The following CNPY4 variants were observed in gnomAD, a reference collection of about 807,000 sequenced individuals.
CNPY4 encodes canopy FGF signaling regulator 4.
In CNPY4, 33 loss-of-function variants were observed where a neutral mutation model predicts 30.1. The ratio of observed to expected loss-of-function variants is 1.10; its 90% confidence interval spans 0.83 to 1.46. The LOEUF is 1.46. CNPY4 is among the 40% of genes most tolerant of loss of function. The pLI is 0.00. For missense variants in CNPY4, 324 were observed against 302.6 expected, an observed-to-expected ratio of 1.07 and a Z score of -0.52; for synonymous variants, 109 against 110.1, an observed-to-expected ratio of 0.99 and a Z score of 0.06.
intron 1 of CNPY4, among the ~76,000 whole-genome samples, chr7:100,121,782 G>T (rs1011497186): frequency 1.3e-5 from 2 of 151,600 alleles, no homozygotes; most frequent in Non-Finnish European, 2.9e-5. Context: ...CGGGCGTGGT[G>T]GCTCACGCCT....
chr7:100,122,318 G>C lies in CNPY4; in HGVS notation c.178G>C (p.Glu60Gln). Residue 60 changes from glutamate to glutamine, a missense_variant, in exon 2 of 6, where the codon GAG (glutamate) becomes CAG (glutamine). Transcript: ENST00000262932. The part of the protein sequence containing the change: ...AELSRTGRSR[E>Q]VLELGQVLDT... ...ACTGAGTCGCACCGGTCGATCTCGA[G>C]AGGTGCTGGAGCTGGGGCAGGTGCT... The C allele has an allele frequency of 6.2e-7, 1 of 1,614,144 alleles. No individual in the cohort carries two copies. Among genetic ancestry groups the C allele is most frequent in the Non-Finnish European group, 8.5e-7 (1 of 1,180,024 alleles).
intron 3 of CNPY4, 56 bp downstream of exon 3, chr7:100,122,633 CCT>C (rs1277928516): frequency 6.5e-7 from 1 of 1,527,538 alleles, no homozygotes; most frequent in African/African-American, 1.4e-5. Context: ...ATCTGTATCC[CCT>C]GAGGCCCTCC....
intron 5 of CNPY4, 28 bp from the exon 6 acceptor site, chr7:100,124,697 C>T: frequency 3.1e-6 from 5 of 1,613,526 alleles, no homozygotes; most frequent in Non-Finnish European, 2.5e-6. Flanking sequence ...GGACTAATAT[C>T]TAAATTGTTT....
In CNPY4 at chr7:100,124,588, A is replaced by G. The variant is rs768607465; in HGVS notation, c.540A>G (p.Gln180=). ...WYFHHQEQPL[Q]NFLCEGHVLP... is the part of the protein sequence containing the mutation. ...TCCACCATCAGGAGCAGCCCCTACA[A>G]AATTTTCTCTGTGAAGGTCATGTGC... Residue 180 remains glutamine (Q), a synonymous_variant, in exon 5 of 6, where the codon CAA becomes CAG. Transcript: ENST00000262932. The G allele has an allele frequency of 2.5e-6, 4 of 1,613,184 alleles. No individual in the cohort carries two copies. The African/African-American group carries it at 5.4e-5, about 22-fold the overall frequency.
Position 100,124,903 on chromosome 7 carries a change from C to A in CNPY4, c.*15C>A, listed in dbSNP as rs1433755967. 5 of 1,570,426 alleles carry A rather than the reference C, an allele frequency of 3.2e-6. No individual in the cohort carries two copies. The highest frequency in any genetic ancestry group is 4.3e-6 in the Non-Finnish European group (5 of 1,159,564). ...AAGATCTTTGACCCTTGCCTTTGAG[C>A]CCCCAGGAGGGGAAGGGATCATGGA... On this transcript the variant is annotated 3_prime_UTR_variant, in exon 6 of 6. Coordinates refer to ENST00000262932, the MANE Select transcript of CNPY4 (RefSeq NM_152755.2).
chr7:100,124,756 G>A lies in CNPY4; in HGVS notation c.615G>A (p.Glu205=). The A allele has an allele frequency of 1.9e-6, 3 of 1,613,978 alleles. No individual in the cohort carries two copies. The highest frequency in any genetic ancestry group is 2.5e-6 in the Non-Finnish European group (3 of 1,179,980). The change falls in exon 6 of 6, where the codon GAG becomes GAA. Residue 205 remains glutamate, a synonymous_variant. Transcript: ENST00000262932. ...ACLQETWTGK[E]ITDGEEKTEG... is the part of the protein sequence containing the mutation. ...TACAGGAAACTTGGACTGGAAAGGA[G>A]ATCACAGATGGGGAAGAGAAAACAG...
chr7:100,122,843 T>G lies in CNPY4; in HGVS notation c.402T>G (p.Asp134Glu). The part of the protein sequence containing the change: ...KGLVQKGVKV[D>E]LGIPLELWDE... ...TAGTGCAGAAGGGGGTGAAGGTGGA[T>G]CTGGGGATCCCTCTGGAGCTTTGGG... The change falls in exon 4 of 6, where the codon GAT (aspartate) becomes GAG (glutamate). Residue 134 changes from aspartate to glutamate, a missense_variant. Asp to Glu is a conservative substitution (Grantham distance 45). Coordinates refer to ENST00000262932, the MANE Select transcript of CNPY4 (RefSeq NM_152755.2). 6.2e-7 allele frequency: 1 copy of G among 1,613,802 alleles called. No homozygotes were observed. The highest frequency in any genetic ancestry group is 8.5e-7 in the Non-Finnish European group (1 of 1,179,940).
At chr7:100,122,630 T>A in intron 3 of CNPY4, 53 bp downstream of exon 3, 1 of 1,533,476 alleles carries the variant, frequency 6.5e-7, no homozygotes. Context: ...AAGATCTGTA[T>A]CCCCTGAGGC....
At chr7:100,119,909 C>T (rs1213525549) in intron 1 of CNPY4, 47 bp downstream of exon 1, 1 of 1,523,264 alleles carries the variant, frequency 6.6e-7, no homozygotes, top group Non-Finnish European at 8.9e-7. Flanking sequence ...GCCACACCTC[C>T]TTCTTCTAGG....
intron 1 of CNPY4, chr7:100,121,982 G>A (rs185522451): frequency 1.5e-5 from 5 of 324,996 alleles, no homozygotes; most frequent in South Asian, 2.8e-5. Context: ...CCCAGGAGGC[G>A]GAGCTGGCAG....
At position 100,124,951 on chromosome 7, in the gene CNPY4, T is replaced by C. The variant is rs945202589; in HGVS notation, c.*63T>C. The C allele has an allele frequency of 2.0e-5, 30 of 1,511,992 alleles. No homozygotes were observed. In the African/African-American group the frequency reaches 3.5e-4, roughly 18 times the overall value. 93.7% of individuals were successfully genotyped at this position (1,511,992 alleles called of 1,614,324 possible). ...GGAGAGCCCTCTAAAGCCTGCACTCTCCCTGCTCCACAGCTTTCAGGGTGT... is the reference window on the plus strand; with the variant it reads ...GGAGAGCCCTCTAAAGCCTGCACTCCCCCTGCTCCACAGCTTTCAGGGTGT... On this transcript the variant is annotated 3_prime_UTR_variant, in exon 6 of 6. Transcript: ENST00000262932.
At chr7:100,121,116 A>ATTTTTT (rs1163501525) in intron 1 of CNPY4, 5 of 52,776 alleles carry the variant, frequency 9.5e-5, no homozygotes, top group African/African-American at 1.9e-4. Context: ...ATATATATAT[A>ATTTTTT]TTTTTTTTTT....
chr7:100,123,214 C>T (rs540730646), intron 4 of CNPY4, among the ~76,000 whole-genome samples: 8 of 151,982 alleles, frequency 5.3e-5, no homozygotes, highest in African/African-American at 1.9e-4. Context: ...TGGTGGTGCA[C>T]GCCTGTGATC....
rs766862842 is a variant in CNPY4, at chr7:100,122,349, CAGGCA to C, written c.212_216del (p.Gly71GlufsTer23). On this transcript the variant is annotated frameshift_variant, in exon 2 of 6. Transcript: ENST00000262932. LOFTEE classifies it high-confidence loss of function. Reference sequence around the variant, plus strand: ...CTGGAGCTGGGGCAGGTGCTGGATACAGGCAAGAGGAAGAGACACGTGCCTTACAG... The same window carrying C: ...CTGGAGCTGGGGCAGGTGCTGGATACAGAGGAAGAGACACGTGCCTTACAG... 203 of 1,613,742 alleles carry C rather than the reference CAGGCA, an allele frequency of 1.3e-4. No individual in the cohort carries two copies. The highest frequency in any genetic ancestry group is 1.6e-4 in the Non-Finnish European group (185 of 1,179,876).
Position 100,124,704 on chromosome 7 carries a change from GT to G in CNPY4, c.584-17del. 1 of 1,613,614 alleles carries G rather than the reference GT, an allele frequency of 6.2e-7. No individual in the cohort carries two copies. The highest frequency in any genetic ancestry group is 8.5e-7 in the Non-Finnish European group (1 of 1,179,874). On this transcript the variant is annotated intron_variant, in intron 5 of 5. Coordinates refer to ENST00000262932, the MANE Select transcript of CNPY4 (RefSeq NM_152755.2). ...TGCCTCCAGGACTAATATCTAAATT[GT>G]TTTCTGTCATCCGATCTAGCATGTC...
chr7:100,122,094 G>A (rs1204098240), intron 1 of CNPY4, 165 bp from the exon 2 acceptor site: 5 of 683,134 alleles, frequency 7.3e-6, no homozygotes, highest in East Asian at 3.0e-5. Context: ...ACAGCAAGCA[G>A]GAAGATTGCC....
intron 3 of CNPY4, 97 bp downstream of exon 3, chr7:100,122,674 C>A (rs1798108096): frequency 6.6e-7 from 1 of 1,513,078 alleles, no homozygotes; most frequent in Non-Finnish European, 9.0e-7. Context: ...ATCTCACCAT[C>A]ATGGAACTCA....
chr7:100,121,696 T>A (rs1798072229), intron 1 of CNPY4, among the ~76,000 whole-genome samples: 1 of 151,612 alleles, frequency 6.6e-6, no homozygotes, highest in Non-Finnish European at 1.5e-5. Context: ...CGCCTCAGCC[T>A]CCCAAAGTGC....
chr7:100,120,026 T>A, intron 1 of CNPY4, 164 bp downstream of exon 1: 1 of 569,260 alleles, frequency 1.8e-6, no homozygotes, highest in Non-Finnish European at 2.9e-6. Context: ...GAAGCGAACG[T>A]GTAGTGCCAC....
Sources: gnomAD v4.1 joint callset for allele counts (sites outside exome capture counted in the v4.1 genomes callset) on GRCh38, gnomAD v4.1.1 for gene constraint, MANE v1.5 for transcripts, NCBI Gene and HGNC (gene_info 2026-07-23, HGNC 2026-07-21) for gene names.